The following CDH12 variants were observed in gnomAD, a reference collection of about 807,000 sequenced individuals.
CDH12 encodes the protein cadherin-12.
CDH12 carries 41 observed loss-of-function variants against 74.1 expected under a neutral mutation model. The ratio of observed to expected loss-of-function variants is 0.55; its 90% CI spans 0.43 to 0.72. The LOEUF (loss-of-function observed/expected upper bound fraction) is 0.72. Among genes scored for constraint, CDH12 ranks in the 30% least tolerant of loss-of-function variants. CDH12 has a pLI of 0.00. For missense variants in CDH12, 945 were observed against 977.2 expected, an observed-to-expected ratio of 0.97 and a Z score of 0.44; for synonymous variants, 399 against 355.0, an observed-to-expected ratio of 1.12 and a Z score of -1.39.
At chr5:22,181,089 A>G (rs968778165) in intron 4 of CDH12, among the ~76,000 whole-genome samples, 1 of 152,002 alleles carries the variant, frequency 6.6e-6, no homozygotes. Flanking sequence ...CTTCTCCCTC[A>G]CAAGCAAAAT....
Position 22,417,398 on chromosome 5 carries a change from G to A in CDH12, c.-427-12047C>T, listed in dbSNP as rs140337517. On this transcript the variant is annotated intron_variant, in intron 2 of 14. Coordinates refer to ENST00000382254, the MANE Select transcript of CDH12 (RefSeq NM_004061.5). ...TGGATAAGTTCAGGAGTGAGTTGCTGATAAAAGGATGATTTCAGCCTCATC... is the reference window on the plus strand; with the variant it reads ...TGGATAAGTTCAGGAGTGAGTTGCTAATAAAAGGATGATTTCAGCCTCATC... Among the ~76,000 whole-genome samples the A allele has an allele frequency of 8.5e-5, 13 of 152,288 alleles. No individual in the cohort carries two copies. The Middle Eastern group carries it at 0.01, about 120-fold the overall frequency.
intron 1 of CDH12, among the ~76,000 whole-genome samples, chr5:22,670,204 G>C (rs268964): frequency 1 from 151,498 of 152,244 alleles, 75,409 homozygotes; most frequent in Middle Eastern, 1. Context: ...GTTTTAGAGA[G>C]AGAGACTTGC....
intron 1 of CDH12, among the ~76,000 whole-genome samples, chr5:22,802,999 C>A (rs969853981): frequency 1.3e-5 from 2 of 152,134 alleles, no homozygotes; most frequent in African/African-American, 4.8e-5. Flanking sequence ...GCCCACTTAA[C>A]CAAGCCTCTA....
intron 4 of CDH12, among the ~76,000 whole-genome samples, chr5:22,130,761 TAGAC>T (rs1330934509): frequency 6.6e-6 from 1 of 152,080 alleles, no homozygotes. Flanking sequence ...TATATTAAAT[TAGAC>T]AGTATGATGC....
chr5:22,481,197 A>T (rs1746370174), intron 2 of CDH12, among the ~76,000 whole-genome samples: 2 of 152,220 alleles, frequency 1.3e-5, no homozygotes, highest in African/African-American at 4.8e-5. Context: ...AACAAAAGAT[A>T]ACAAGTGTTG....
chr5:22,261,425 T>C (rs1456305403), intron 3 of CDH12, among the ~76,000 whole-genome samples: 1 of 152,032 alleles, frequency 6.6e-6, no homozygotes, highest in Non-Finnish European at 1.5e-5. Context: ...TACCTGTACC[T>C]GTTCCTTAAC....
chr5:22,110,789 T>A (rs1359809372), intron 4 of CDH12, among the ~76,000 whole-genome samples: 1 of 152,148 alleles, frequency 6.6e-6, no homozygotes, highest in Non-Finnish European at 1.5e-5. Flanking sequence ...GGCTCCTCTA[T>A]CCTCCTAGCC....
At chr5:22,073,731 T>C (rs1284762040) in intron 5 of CDH12, among the ~76,000 whole-genome samples, 1 of 152,130 alleles carries the variant, frequency 6.6e-6, no homozygotes, top group African/African-American at 2.4e-5. Context: ...AGTTTGTGCT[T>C]TCTTGCAAGG....
chr5:22,233,941 TTTA>T (rs1447708620), intron 3 of CDH12, among the ~76,000 whole-genome samples: 1 of 152,216 alleles, frequency 6.6e-6, no homozygotes, highest in Non-Finnish European at 1.5e-5. Context: ...AATAGTGCAA[TTTA>T]TTATTAACTT....
chr5:22,378,622 T>C (rs1741636178), intron 3 of CDH12, among the ~76,000 whole-genome samples: 1 of 152,132 alleles, frequency 6.6e-6, no homozygotes, highest in Non-Finnish European at 1.5e-5. Context: ...CCAATGTTTA[T>C]ACTTGAACAT....
intron 4 of CDH12, among the ~76,000 whole-genome samples, chr5:22,081,182 TAC>T (rs1424758072): frequency 1.6e-4 from 25 of 152,188 alleles, no homozygotes; most frequent in African/African-American, 5.5e-4. Context: ...ATTTAGACAA[TAC>T]AGTTTGAATC....
chr5:22,215,408 T>C (rs1480196740), intron 3 of CDH12, among the ~76,000 whole-genome samples: 4 of 152,096 alleles, frequency 2.6e-5, no homozygotes, highest in East Asian at 1.9e-4. Flanking sequence ...AGTTCTGCTA[T>C]TAAAAGTTAT....
Position 21,802,282 on chromosome 5 carries a change from G to A in CDH12, c.1141C>T (p.Pro381Ser). 1.9e-6 allele frequency: 3 copies of A among 1,611,226 alleles called. No individual in the cohort carries two copies. The highest frequency in any genetic ancestry group is 2.5e-6 in the Non-Finnish European group (3 of 1,178,970). Reference protein sequence around the residue: ...VKISVLDVDEPPVFSKPLYTM... With the variant: ...VKISVLDVDESPVFSKPLYTM... ...TAGAGCGGCTTGCTGAAAACCGGTG[G>A]CTCATCTACGTCCAGCACGCTGATC... The change falls in exon 10 of 15, where the codon CCA (proline) becomes TCA (serine). Residue 381 changes from proline (P) to serine (S), a missense_variant. By Grantham distance (74) the Pro-to-Ser change is moderately conservative. This residue lies in a region of CDH12 where 791 missense variants were observed against 792.8 expected (regional missense o/e 1.00). Coordinates refer to ENST00000382254, the MANE Select transcript of CDH12 (RefSeq NM_004061.5).
chr5:22,044,597 G>A (rs913063530), intron 5 of CDH12, among the ~76,000 whole-genome samples: 1 of 152,180 alleles, frequency 6.6e-6, no homozygotes, highest in Non-Finnish European at 1.5e-5. Context: ...AATGAGATTT[G>A]GGTGGGGACA....
At chr5:21,931,336 T>A (rs1033733610) in intron 6 of CDH12, among the ~76,000 whole-genome samples, 16 of 152,186 alleles carry the variant, frequency 1.1e-4, no homozygotes, top group Non-Finnish European at 2.4e-4. Context: ...GCTTGATTCA[T>A]ACCATCTGGG....
At chr5:22,226,189 GTA>G (rs1752189347) in intron 3 of CDH12, among the ~76,000 whole-genome samples, 2 of 151,754 alleles carry the variant, frequency 1.3e-5, no homozygotes, top group Non-Finnish European at 2.9e-5. Context: ...TCTATTCTCG[GTA>G]TCCTGTCTGC....
chr5:22,341,942 A>G (rs961206468), intron 3 of CDH12, among the ~76,000 whole-genome samples: 12 of 152,050 alleles, frequency 7.9e-5, no homozygotes, highest in African/African-American at 2.9e-4. Flanking sequence ...AAAAAAAAAC[A>G]TAACTGGCAG....
In CDH12 at chr5:21,875,959, G is replaced by A. The variant is rs555301210; in HGVS notation, c.527-21169C>T. On this transcript the variant is annotated intron_variant, in intron 6 of 14. Coordinates refer to ENST00000382254, the MANE Select transcript of CDH12 (RefSeq NM_004061.5). ...TCTCCATGCTGGAGTGCAGTGGCAC[G>A]ATCTCGGTTCACCACAACCTCTGCC... 4.9e-5 allele frequency among the ~76,000 whole-genome samples: 7 copies of A among 143,664 alleles called. No individual in the cohort carries two copies. In the East Asian group the frequency reaches 1.1e-3, roughly 22 times the overall value. 94.2% of individuals were successfully genotyped at this position (143,664 alleles called of 152,430 possible).
chr5:22,263,570 A>G (rs988890233), intron 3 of CDH12, among the ~76,000 whole-genome samples: 1 of 152,094 alleles, frequency 6.6e-6, no homozygotes, highest in African/African-American at 2.4e-5. Flanking sequence ...TTGTAACTCA[A>G]TTCCATTTTT....
Sources: gnomAD v4.1 joint callset for allele counts (sites outside exome capture counted in the v4.1 genomes callset) on GRCh38, gnomAD v4.1.1 for gene constraint, gnomAD v4.1.1 regional missense constraint, MANE v1.5 for transcripts, NCBI Gene and HGNC (gene_info 2026-07-23, HGNC 2026-07-21) for gene names.